C1orf35: variants seen among roughly 807,000 people sequenced by gnomAD.
C1orf35 encodes chromosome 1 open reading frame 35.
A neutral mutation model predicts 30.9 loss-of-function variants in C1orf35; 36 were observed. That is an observed-to-expected ratio of 1.16 (90% CI 0.89 to 1.54). The LOEUF (loss-of-function observed/expected upper bound fraction) is 1.54. Among genes scored for constraint, C1orf35 ranks in the 40% most tolerant of loss-of-function variants. C1orf35 has a pLI of 0.00. For synonymous variants in C1orf35, 179 were observed against 148.2 expected, an observed-to-expected ratio of 1.21 and a Z score of -1.51; for missense variants, 396 against 358.7, an observed-to-expected ratio of 1.10 and a Z score of -0.84.
Position 228,103,116 on chromosome 1 carries a change from C to T in C1orf35, c.94+18G>A, listed in dbSNP as rs772794881. 16 of 1,605,738 alleles carry T rather than the reference C, an allele frequency of 1.0e-5. No individual in the cohort carries two copies. The highest frequency in any genetic ancestry group is 1.4e-5 in the Non-Finnish European group (16 of 1,176,548). ...CCCGGAGCCCGGAGCCCGGAGCCCG[C>T]CCACCGCGCGCACCCACCCAGGTAG... is the stretch of plus-strand genomic sequence containing the variant. On this transcript the variant is annotated intron_variant, in intron 1 of 7. Transcript: ENST00000272139.
chr1:228,101,692 G>A, intron 6 of C1orf35: 1 of 1,431,222 alleles, frequency 7.0e-7, no homozygotes, highest in South Asian at 1.5e-5. Context: ...GCACGCCCCT[G>A]CCCCACCCCA....
chr1:228,102,199 C>A lies in C1orf35; in HGVS notation c.448-34G>T, dbSNP rs754125957. 3.8e-6 allele frequency: 6 copies of A among 1,564,404 alleles called. No homozygotes were observed. In the African/African-American group the frequency reaches 5.4e-5, roughly 14 times the overall value. On this transcript the variant is annotated intron_variant, in intron 5 of 7. Transcript: ENST00000272139. Reference sequence around the variant, plus strand: ...GAAGCGAGCTCTGCGGAGGAGTCTGCGGGCCGGCCCCACACCACGCCCCGC... The same window carrying A: ...GAAGCGAGCTCTGCGGAGGAGTCTGAGGGCCGGCCCCACACCACGCCCCGC...
rs137921623 is a variant in C1orf35 at position 228,101,168 on chromosome 1, G to A, written c.755C>T (p.Pro252Leu). Residue 252 changes from proline to leucine, a missense_variant, in exon 8 of 8, where the codon CCG becomes CTG. By Grantham distance (98) the Pro-to-Leu change is moderately conservative. Coordinates refer to ENST00000272139, the MANE Select transcript of C1orf35 (RefSeq NM_024319.4). ...KRGHSGDRRS[P>L]SRRWHDRGSE... ...GCCTCTGTCATGCCACCTGCGAGAC[G>A]GGCTCCTCCTGTCCCCACTGTGTCC... is the stretch of plus-strand genomic sequence containing the variant. 22 of 1,613,908 alleles carry A rather than the reference G, an allele frequency of 1.4e-5. No individual in the cohort carries two copies. Among genetic ancestry groups the A allele is most frequent in the South Asian group, 3.3e-5 (3 of 91,086 alleles).
chr1:228,103,111 G>A (rs1215857676), intron 1 of C1orf35, 23 bp downstream of exon 1: 1 of 1,609,004 alleles, frequency 6.2e-7, no homozygotes, highest in South Asian at 1.1e-5. Flanking sequence ...GGAGCCCGGA[G>A]CCCGCCCACC....
chr1:228,101,979 G>C (rs2032977802), intron 6 of C1orf35, 101 bp downstream of exon 6: 1 of 1,429,584 alleles, frequency 7.0e-7, no homozygotes, highest in Admixed American at 2.9e-5. Context: ...CGCCGGGCCG[G>C]TGCGCCAAGA....
rs970494289 is a variant in C1orf35, at chr1:228,103,312, C to G, written c.-85G>C. 1.0e-4 allele frequency: 148 copies of G among 1,468,962 alleles called. No individual in the cohort carries two copies. The highest frequency in any genetic ancestry group is 1.3e-4 in the Non-Finnish European group (142 of 1,095,030). The allele number at this position is 1,468,962 out of a possible 1,614,324, so 91.0% of individuals were successfully genotyped here. On this transcript the variant is annotated 5_prime_UTR_variant, in exon 1 of 8. Transcript: ENST00000272139. ...GACCCGCTACCCACTACCGTCGGACCCAGGCCCGACCCCGCCTCCGCGTCG... is the reference window on the plus strand; with the variant it reads ...GACCCGCTACCCACTACCGTCGGACGCAGGCCCGACCCCGCCTCCGCGTCG...
intron 6 of C1orf35, chr1:228,101,850 C>T (rs1400267465): frequency 4.2e-6 from 6 of 1,416,644 alleles, no homozygotes; most frequent in African/African-American, 1.4e-5. Context: ...TGCCCTCCCA[C>T]GGCACAGCGC....
At position 228,102,348 on chromosome 1, in the gene C1orf35, C is replaced by A; in HGVS notation, c.409G>T (p.Asp137Tyr). 1 of 1,611,558 alleles carries A rather than the reference C, an allele frequency of 6.2e-7. No homozygotes were observed. Among genetic ancestry groups the A allele is most frequent in the Non-Finnish European group, 8.5e-7 (1 of 1,179,700 alleles). The change falls in exon 5 of 8, where the codon GAC becomes TAC. Residue 137 changes from aspartate to tyrosine, a missense_variant. Asp to Tyr is a radical substitution (Grantham distance 160). Transcript: ENST00000272139. Reference protein sequence around the residue: ...SVGRVAMSREDKEAAKLGLSV... With the variant: ...SVGRVAMSREYKEAAKLGLSV... ...AGCCCCAGTTTGGCGGCCTCCTTGTCCTCTCGGGACATCGCCACGCGGCCC... is the reference window on the plus strand; with the variant it reads ...AGCCCCAGTTTGGCGGCCTCCTTGTACTCTCGGGACATCGCCACGCGGCCC...
In C1orf35 at chr1:228,102,570, C is replaced by CGCA; in HGVS notation, c.292-11_292-10insTGC. On this transcript the variant is annotated splice_polypyrimidine_tract_variant and intron_variant, in intron 3 of 7. Coordinates refer to ENST00000272139, the MANE Select transcript of C1orf35 (RefSeq NM_024319.4). ...AGACCTCCGCGAAGTCCTGCAGGTG[C>CGCA]GAGAGCACAGGGAGCGCTCGAGTCG... The CGCA allele has an allele frequency of 6.4e-7, 1 of 1,568,804 alleles. No individual in the cohort carries two copies. The highest frequency in any genetic ancestry group is 8.6e-7 in the Non-Finnish European group (1 of 1,160,276).
rs1006153206 is a variant in C1orf35, at chr1:228,102,900, G to A, written c.244C>T (p.Leu82Phe). ...EAEREALLAA[L>F]GYKNVKKQPT... is the part of the protein sequence containing the mutation. ...CCGCTGCCGTCCGCGGACACTCACA[G>A]GGCGGCCAGCAGCGCCTCGCGCTCC... The change falls in exon 2 of 8, where the codon CTT becomes TTT. Residue 82 changes from leucine (L) to phenylalanine (F), a missense_variant and splice_region_variant. By Grantham distance (22) the Leu-to-Phe change is conservative (BLOSUM62 0). Coordinates refer to ENST00000272139, the MANE Select transcript of C1orf35 (RefSeq NM_024319.4). 2.0e-6 allele frequency: 3 copies of A among 1,466,116 alleles called. No individual in the cohort carries two copies. The Admixed American group carries it at 7.2e-5, about 35-fold the overall frequency. The allele number at this position is 1,466,116 out of a possible 1,614,324, so 90.8% of individuals were successfully genotyped here.
In C1orf35 at chr1:228,101,015, CTTCCACAGGAGCAGCCTCGGGCT is replaced by C. The variant is rs2124863263; in HGVS notation, c.*93_*115del. ...CCCCACAGGCTGGTGCCCAGAGCCA[CTTCCACAGGAGCAGCCTCGGGCT>C]TCACCCACACCCAAGGAGCTTCCGA... On this transcript the variant is annotated 3_prime_UTR_variant, in exon 8 of 8. Transcript: ENST00000272139. 8 of 1,488,642 alleles carry C rather than the reference CTTCCACAGGAGCAGCCTCGGGCT, an allele frequency of 5.4e-6. No homozygotes were observed. The South Asian group carries it at 9.8e-5, about 18-fold the overall frequency. 92.2% of individuals were successfully genotyped at this position (1,488,642 alleles called of 1,614,324 possible).
chr1:228,101,388 C>T lies in C1orf35; in HGVS notation c.619G>A (p.Glu207Lys). The change falls in exon 7 of 8, where the codon GAG (glutamate) becomes AAG (lysine). Residue 207 changes from glutamate to lysine, a missense_variant. Physicochemically the swap from Glu to Lys is moderately conservative, Grantham distance 56. Transcript: ENST00000272139. ...HKKEKKKKDKEHRRPAEATSS... is the reference protein window; with the variant it reads ...HKKEKKKKDKKHRRPAEATSS... ...GTGGCCTCAGCTGGCCGCCTGTGCT[C>T]TTTGTCTTTCTTCTTCTTCTCTTTC... is the stretch of plus-strand genomic sequence containing the variant. 1.2e-6 allele frequency: 2 copies of T among 1,614,052 alleles called. No homozygotes were observed. The highest frequency in any genetic ancestry group is 1.7e-6 in the Non-Finnish European group (2 of 1,179,994).
In C1orf35 at chr1:228,101,250, T is replaced by C. The variant is rs1421221274; in HGVS notation, c.673A>G (p.Arg225Gly). Residue 225 changes from arginine to glycine, a missense_variant, in exon 8 of 8, where the codon AGG (arginine) becomes GGG (glycine). Transcript: ENST00000272139. ...TSSPTSPERP[R>G]HHHHDSDSNS... ...GAGTCGGAGTCATGGTGGTGGTGCC[T>C]GGGCCTGGGGAGACCAATGGCAGTC... is the stretch of plus-strand genomic sequence containing the variant. The C allele has an allele frequency of 5.8e-5, 93 of 1,613,976 alleles. No homozygotes were observed. Among genetic ancestry groups the C allele is most frequent in the Non-Finnish European group, 7.6e-5 (90 of 1,180,020 alleles).
chr1:228,103,244 T>C lies in C1orf35; in HGVS notation c.-17A>G, dbSNP rs763433617. On this transcript the variant is annotated 5_prime_UTR_variant, in exon 1 of 8. Transcript: ENST00000272139. Reference sequence around the variant, plus strand: ...GCCGAACATGGCGCCGGGAAGGCAGTTGCCTGGGGCCTGCGGCTTGCAACC... The same window carrying C: ...GCCGAACATGGCGCCGGGAAGGCAGCTGCCTGGGGCCTGCGGCTTGCAACC... The C allele has an allele frequency of 6.2e-6, 10 of 1,608,380 alleles. No homozygotes were observed. Among genetic ancestry groups the C allele is most frequent in the Non-Finnish European group, 8.5e-6 (10 of 1,178,570 alleles).
chr1:228,100,797 T>G lies in C1orf35; in HGVS notation c.*334A>C, dbSNP rs2032923349. 3.3e-6 allele frequency: 1 copy of G among 307,236 alleles called. No individual in the cohort carries two copies. The highest frequency in any genetic ancestry group is 7.1e-5 in the South Asian group (1 of 14,082). The allele number at this position is 307,236 out of a possible 1,614,324, so 19.0% of individuals were successfully genotyped here. On this transcript the variant is annotated 3_prime_UTR_variant, in exon 8 of 8. Transcript: ENST00000272139. ...TAAAGAAAAATAGAGGTCACCATAC[T>G]TGGCCACAGTTAGACCGCTCATAGG... is the stretch of plus-strand genomic sequence containing the variant.
intron 6 of C1orf35, chr1:228,101,747 G>A (rs1453787633): frequency 8.5e-6 from 12 of 1,412,276 alleles, no homozygotes; most frequent in Middle Eastern, 2.6e-4. Context: ...GCACCCACCA[G>A]GCCACTCTTA....
chr1:228,102,276 G>A (rs1183621522), intron 5 of C1orf35, 34 bp downstream of exon 5: 1 of 1,605,388 alleles, frequency 6.2e-7, no homozygotes, highest in Admixed American at 1.7e-5. Flanking sequence ...ACCCCTGTTA[G>A]CCCCTGCTGC....
chr1:228,100,925 G>A lies in C1orf35; in HGVS notation c.*206C>T. The A allele has an allele frequency of 1.4e-6, 1 of 709,158 alleles. No homozygotes were observed. The highest frequency in any genetic ancestry group is 1.8e-5 in the African/African-American group (1 of 55,878). 43.9% of individuals were successfully genotyped at this position (709,158 alleles called of 1,614,324 possible). A position where few individuals can be genotyped will look rare whatever the true frequency, so the allele number is the denominator to read the frequency against. ...GCAGGCCAAGCCAGGGGCCATCCCT[G>A]GTATGCGAAACCTGGAGGTTTTCCA... is the stretch of plus-strand genomic sequence containing the variant. On this transcript the variant is annotated 3_prime_UTR_variant, in exon 8 of 8. Coordinates refer to ENST00000272139, the MANE Select transcript of C1orf35 (RefSeq NM_024319.4).
rs1043960057 is a variant in C1orf35, at chr1:228,101,583, A to T, written c.534-110T>A. ...CCACCACCCACAAGTGCGTCTTTAA[A>T]TCAGTTAAATCAAACTACAAATTCC... is the stretch of plus-strand genomic sequence containing the variant. On this transcript the variant is annotated intron_variant, in intron 6 of 7. Transcript: ENST00000272139. The T allele has an allele frequency of 1.0e-5, 16 of 1,529,470 alleles. No individual in the cohort carries two copies. The African/African-American group carries it at 1.9e-4, about 18-fold the overall frequency. The allele number at this position is 1,529,470 out of a possible 1,614,324, so 94.7% of individuals were successfully genotyped here.
Sources: allele counts gnomAD v4.1 joint callset, GRCh38; gene constraint gnomAD v4.1.1; transcripts MANE v1.5; gene names NCBI Gene and HGNC (gene_info 2026-07-23, HGNC 2026-07-21).